Variants in ASCC1 observed in about 807,000 individuals in gnomAD.
ASCC1 encodes ASC-1 complex subunit P50.
In ASCC1, 35 loss-of-function variants were observed where a neutral mutation model predicts 46.6. That is an observed-to-expected ratio of 0.75 (90% CI 0.57 to 0.99). The LOEUF (loss-of-function observed/expected upper bound fraction) is 0.99. Ranked by LOEUF, ASCC1 falls within the 50% of genes least tolerant of loss-of-function variation. The pLI is 0.00. For synonymous variants in ASCC1, 143 were observed against 146.6 expected (o/e 0.98, Z 0.18); for missense variants, 376 against 428.7 (o/e 0.88, Z 1.09).
At chr10:72,133,282 C>G (rs1845814459) in intron 7 of ASCC1, 101 bp from the exon 8 acceptor site, 9 of 1,223,930 alleles carry the variant, frequency 7.4e-6, no homozygotes, top group Non-Finnish European at 1.1e-5. Flanking sequence ...CTGTGCTAAT[C>G]ACCATACAAA....
intron 9 of ASCC1, among the ~76,000 whole-genome samples, chr10:72,127,615 A>T (rs1181321265): frequency 6.6e-6 from 1 of 152,138 alleles, no homozygotes; most frequent in Non-Finnish European, 1.5e-5. Flanking sequence ...ACTTAGGTTG[A>T]AATCAACTTA....
chr10:72,138,265 C>T (rs1247566267), intron 7 of ASCC1, among the ~76,000 whole-genome samples: 2 of 152,148 alleles, frequency 1.3e-5, no homozygotes, highest in Non-Finnish European at 2.9e-5. Context: ...TCACTTTCCC[C>T]CTTAATCTCT....
intron 5 of ASCC1, among the ~76,000 whole-genome samples, chr10:72,168,527 A>G (rs947350679): frequency 2.6e-5 from 4 of 152,182 alleles, no homozygotes; most frequent in African/African-American, 7.2e-5. Flanking sequence ...ATATCTAACA[A>G]AACAAAAGAC....
rs1465632547 is a variant in ASCC1 at position 72,097,074 on chromosome 10, TACG to T, written c.*257_*259del. 2 of 508,698 alleles carry T rather than the reference TACG, an allele frequency of 3.9e-6. No individual in the cohort carries two copies. The highest frequency in any genetic ancestry group is 5.2e-5 in the East Asian group (1 of 19,084). 31.5% of individuals were successfully genotyped at this position (508,698 alleles called of 1,614,324 possible). A position where few individuals can be genotyped will look rare whatever the true frequency, so the allele number is the denominator to read the frequency against. On this transcript the variant is annotated 3_prime_UTR_variant, in exon 10 of 10. Coordinates refer to ENST00000672957, the MANE Select transcript of ASCC1 (RefSeq NM_001198800.3). ...AAGACAGTATGTTTTATGAGTATTT[TACG>T]ACAATTTAAAAATTAAAAGAAAAAA...
At chr10:72,142,050 T>G (rs1252670699) in intron 7 of ASCC1, among the ~76,000 whole-genome samples, 1 of 152,230 alleles carries the variant, frequency 6.6e-6, no homozygotes, top group African/African-American at 2.4e-5. Flanking sequence ...GCAACCCTGT[T>G]TTCTGATTGT....
chr10:72,185,709 T>G (rs970359550), intron 5 of ASCC1, among the ~76,000 whole-genome samples: 1 of 152,082 alleles, frequency 6.6e-6, no homozygotes, highest in African/African-American at 2.4e-5. Context: ...GAGGGTGACA[T>G]AAATATTCAA....
chr10:72,111,863 C>T (rs1481114957), intron 9 of ASCC1, among the ~76,000 whole-genome samples: 2 of 152,088 alleles, frequency 1.3e-5, no homozygotes, highest in Non-Finnish European at 2.9e-5. Context: ...AGGATGGTCT[C>T]GATCTCCTGA....
At chr10:72,105,302 G>A (rs1430822069) in intron 9 of ASCC1, among the ~76,000 whole-genome samples, 1 of 152,156 alleles carries the variant, frequency 6.6e-6, no homozygotes, top group African/African-American at 2.4e-5. Context: ...GGGGCTTTGG[G>A]GATCGCTGGC....
At chr10:72,132,671 T>C (rs77101058) in intron 8 of ASCC1, among the ~76,000 whole-genome samples, 10,657 of 151,868 alleles carry the variant, frequency 0.07, 1,282 homozygotes, top group African/African-American at 0.24. Context: ...TAACCCCCAG[T>C]TGAGAAACAC....
At chr10:72,124,723 CTTTTTTTTT>C (rs34682603) in intron 9 of ASCC1, among the ~76,000 whole-genome samples, 1 of 118,656 alleles carries the variant, frequency 8.4e-6, no homozygotes, top group Non-Finnish European at 1.7e-5. Flanking sequence ...CAAACAACAT[CTTTTTTTTT>C]TTTTTTTTTT....
At chr10:72,163,167 C>T (rs1468481856) in intron 5 of ASCC1, among the ~76,000 whole-genome samples, 2 of 152,024 alleles carry the variant, frequency 1.3e-5, no homozygotes, top group African/African-American at 4.8e-5. Flanking sequence ...TACATTGTTG[C>T]TAGGAAGGTA....
chr10:72,125,459 T>C (rs1394558013), intron 9 of ASCC1, among the ~76,000 whole-genome samples: 1 of 152,242 alleles, frequency 6.6e-6, no homozygotes, highest in Non-Finnish European at 1.5e-5. Flanking sequence ...ACTATATATA[T>C]GAAGTTCACT....
intron 9 of ASCC1, among the ~76,000 whole-genome samples, chr10:72,104,338 G>A (rs904161026): frequency 7.2e-5 from 11 of 152,194 alleles, no homozygotes; most frequent in Middle Eastern, 3.4e-3. Flanking sequence ...TTTAAGAATC[G>A]GATGGCTCTA....
chr10:72,194,001 A>ATT (rs752704318), intron 5 of ASCC1, among the ~76,000 whole-genome samples: 1 of 143,016 alleles, frequency 7.0e-6, no homozygotes. Context: ...CACCCGGCTA[A>ATT]TTTTTTTTTT....
chr10:72,184,523 T>C (rs1417968762), intron 5 of ASCC1, among the ~76,000 whole-genome samples: 1 of 151,910 alleles, frequency 6.6e-6, no homozygotes, highest in Non-Finnish European at 1.5e-5. Context: ...TATATTAACA[T>C]CAAAAAAGTA....
At chr10:72,205,558 A>T (rs1386748762) in intron 3 of ASCC1, among the ~76,000 whole-genome samples, 4 of 150,400 alleles carry the variant, frequency 2.7e-5, no homozygotes, top group Non-Finnish European at 5.9e-5. Context: ...TGAACTCGGG[A>T]GGCAGAGGTT....
At chr10:72,213,161 T>A in intron 2 of ASCC1, 26 bp downstream of exon 2, 1 of 1,505,130 alleles carries the variant, frequency 6.6e-7, no homozygotes, top group Non-Finnish European at 9.2e-7. Flanking sequence ...TTACTTCTTA[T>A]CTGACCAAAG....
At chr10:72,097,793 TCTGACCAGGCTGCTTCTGACTTCCAGTGA>T (rs1268174151) in intron 9 of ASCC1, among the ~76,000 whole-genome samples, 1 of 152,158 alleles carries the variant, frequency 6.6e-6, no homozygotes, top group Non-Finnish European at 1.5e-5. Flanking sequence ...ACTCACAGAG[TCTGACCAGGCTGCTTCTGACTTCCAGTGA>T]CTGACCATGC....
intron 6 of ASCC1, among the ~76,000 whole-genome samples, chr10:72,160,900 G>A (rs1000967212): frequency 6.6e-6 from 1 of 151,676 alleles, no homozygotes; most frequent in Non-Finnish European, 1.5e-5. Flanking sequence ...TGGCTAAAAT[G>A]GTGAAACCCC....
Sources: gnomAD v4.1 joint callset for allele counts (sites outside exome capture counted in the v4.1 genomes callset) on GRCh38, gnomAD v4.1.1 for gene constraint, MANE v1.5 for transcripts, NCBI Gene and HGNC (gene_info 2026-07-23, HGNC 2026-07-21) for gene names.